Variants in CCL16 observed in about 807,000 individuals in gnomAD.
CCL16 encodes C-C motif chemokine 16.
Under a neutral mutation model 7.5 loss-of-function variants are expected in CCL16, and 6 were observed. The ratio of observed to expected loss-of-function variants is 0.80; its 90% CI spans 0.44 to 1.57. The LOEUF is 1.57. CCL16 is among the 40% of genes most tolerant of loss of function. The pLI, the probability that CCL16 is intolerant of heterozygous loss-of-function variation, is 0.01. For synonymous variants in CCL16, 60 were observed against 57.7 expected (o/e 1.04, Z -0.18); for missense variants, 134 against 142.9 (o/e 0.94, Z 0.32).
chr17:35,977,530 C>T lies in CCL16; in HGVS notation c.*36G>A. On this transcript the variant is annotated 3_prime_UTR_variant, in exon 3 of 3. Coordinates refer to ENST00000611905, the MANE Select transcript of CCL16 (RefSeq NM_004590.4). ...CCTGTTTTCATAGGTTTACCCCTCTCTTCTGTAAACAAGGGCTTCCACTAA... is the reference window on the plus strand; with the variant it reads ...CCTGTTTTCATAGGTTTACCCCTCTTTTCTGTAAACAAGGGCTTCCACTAA... 6.2e-7 allele frequency: 1 copy of T among 1,602,746 alleles called. No individual in the cohort carries two copies. The highest frequency in any genetic ancestry group is 8.5e-7 in the Non-Finnish European group (1 of 1,173,718).
At chr17:35,980,130 C>T (rs558570293) in intron 1 of CCL16, among the ~76,000 whole-genome samples, 49 of 152,256 alleles carry the variant, frequency 3.2e-4, no homozygotes, top group Non-Finnish European at 6.6e-4. Flanking sequence ...CCAGGGTCAT[C>T]CTGAGAGTAT....
At chr17:35,979,138 A>G (rs1271675375) in intron 1 of CCL16, among the ~76,000 whole-genome samples, 1 of 151,284 alleles carries the variant, frequency 6.6e-6, no homozygotes, top group East Asian at 1.9e-4. Flanking sequence ...AAGAAAAAAA[A>G]AAAAGGATTT....
At chr17:35,980,944 T>C (rs1332743346) in intron 1 of CCL16, among the ~76,000 whole-genome samples, 3 of 152,162 alleles carry the variant, frequency 2.0e-5, no homozygotes, top group Non-Finnish European at 2.9e-5. Context: ...CATGATTGTT[T>C]GAACCTTCCT....
intron 2 of CCL16, 90 bp downstream of exon 2, chr17:35,978,053 A>C (rs2089652640): frequency 2.6e-6 from 4 of 1,553,934 alleles, no homozygotes; most frequent in Non-Finnish European, 2.6e-6. Context: ...CACTGCTTCT[A>C]GCATGGAGAC....
chr17:35,980,567 A>C (rs2089673416), intron 1 of CCL16: 1 of 176,820 alleles, frequency 5.7e-6, no homozygotes, highest in African/African-American at 2.4e-5. Context: ...ACAAACAAAA[A>C]AACAAAAGCG....
At chr17:35,978,320 C>T in intron 1 of CCL16, 57 bp from the exon 2 acceptor site, 1 of 1,610,894 alleles carries the variant, frequency 6.2e-7, no homozygotes, top group Admixed American at 1.7e-5. Context: ...CCACAGCTGC[C>T]CACCTCTGTC....
At position 35,977,561 on chromosome 17, in the gene CCL16, G is replaced by A; in HGVS notation, c.*5C>T. 1 of 1,612,220 alleles carries A rather than the reference G, an allele frequency of 6.2e-7. No individual in the cohort carries two copies. Among genetic ancestry groups the A allele is most frequent in the Non-Finnish European group, 8.5e-7 (1 of 1,179,676 alleles). ...TAAACAAGGGCTTCCACTAAAGCCT[G>A]GTCATCACTGGGAGTTGAGGAGCTG... On this transcript the variant is annotated 3_prime_UTR_variant, in exon 3 of 3. Transcript: ENST00000611905.
chr17:35,977,879 C>T (rs565165679), intron 2 of CCL16, 148 bp from the exon 3 acceptor site: 3 of 919,630 alleles, frequency 3.3e-6, no homozygotes, highest in Non-Finnish European at 4.9e-6. Flanking sequence ...GACAGCCTCT[C>T]TCTCTGGCCT....
chr17:35,978,411 T>A, intron 1 of CCL16, 148 bp from the exon 2 acceptor site: 3 of 1,042,634 alleles, frequency 2.9e-6, no homozygotes, highest in Non-Finnish European at 4.3e-6. Flanking sequence ...GGTAATGAAG[T>A]GCATAAGATG....
Position 35,981,406 on chromosome 17 carries a change from C to G in CCL16, c.15G>C (p.Glu5Asp), listed in dbSNP as rs770704126. The G allele has an allele frequency of 6.2e-7, 1 of 1,611,996 alleles. No individual in the cohort carries two copies. Among genetic ancestry groups the G allele is most frequent in the African/African-American group, 1.3e-5 (1 of 74,886 alleles). Residue 5 changes from glutamate to aspartate, a missense_variant, in exon 1 of 3, where the codon GAG (glutamate) becomes GAC (aspartate). Physicochemically the swap from Glu to Asp is conservative, Grantham distance 45. Transcript: ENST00000611905. MKVS[E>D]AALSLLVLIL... The stretch of plus-strand genomic sequence containing the variant: ...TGAGGACAAGGAGAGACAGGGCAGC[C>G]TCGGAGACCTTCATCCTCTCAGCGA...
chr17:35,980,934 C>T (rs981666146), intron 1 of CCL16, among the ~76,000 whole-genome samples: 3 of 152,222 alleles, frequency 2.0e-5, no homozygotes, highest in Non-Finnish European at 4.4e-5. Context: ...CTTAGACCCA[C>T]ATGATTGTTT....
chr17:35,980,041 A>G (rs2089669171), intron 1 of CCL16, among the ~76,000 whole-genome samples: 1 of 152,158 alleles, frequency 6.6e-6, no homozygotes, highest in African/African-American at 2.4e-5. Context: ...TCTCCCAAAG[A>G]GCACTGTTCC....
chr17:35,977,595 C>G lies in CCL16; in HGVS notation c.334G>C (p.Gly112Arg). ...STVKIITAKN[G>R]QPQLLNSQ ...TGGGAGTTGAGGAGCTGGGGTTGAC[C>G]ATTCTTTGCTGTAATAATTTTAACC... Residue 112 changes from glycine to arginine, a missense_variant, in exon 3 of 3, where the codon GGT (glycine) becomes CGT (arginine). Coordinates refer to ENST00000611905, the MANE Select transcript of CCL16 (RefSeq NM_004590.4). The G allele has an allele frequency of 6.2e-7, 1 of 1,612,554 alleles. No homozygotes were observed. Among genetic ancestry groups the G allele is most frequent in the Non-Finnish European group, 8.5e-7 (1 of 1,179,926 alleles).
chr17:35,978,297 A>G (rs952896410), intron 1 of CCL16, 34 bp from the exon 2 acceptor site: 10 of 1,613,802 alleles, frequency 6.2e-6, no homozygotes, highest in Non-Finnish European at 8.5e-6. Flanking sequence ...GAGCCAGGGA[A>G]GCAGAGGGGA....
chr17:35,977,506 C>CA lies in CCL16; in HGVS notation c.*59_*60insT. 6.7e-7 allele frequency: 1 copy of CA among 1,495,994 alleles called. No individual in the cohort carries two copies. Among genetic ancestry groups the CA allele is most frequent in the South Asian group, 1.2e-5 (1 of 81,978 alleles). The allele number at this position is 1,495,994 out of a possible 1,614,324, so 92.7% of individuals were successfully genotyped here. A position where few individuals can be genotyped will look rare whatever the true frequency, so the allele number is the denominator to read the frequency against. ...TAGTTTCAGCCTAATAAGGCTTCCC[C>CA]TGTTTTCATAGGTTTACCCCTCTCT... On this transcript the variant is annotated 3_prime_UTR_variant, in exon 3 of 3. Transcript: ENST00000611905.
chr17:35,976,575 C>G lies in CCL16; in HGVS notation c.*991G>C, dbSNP rs1459501705. 1 of 151,904 alleles carries G rather than the reference C, an allele frequency of 6.6e-6. No homozygotes were observed. The highest frequency in any genetic ancestry group is 1.5e-5 in the Non-Finnish European group (1 of 68,006). The allele number at this position is 151,904 out of a possible 1,614,324, so 9.4% of individuals were successfully genotyped here. A position where few individuals can be genotyped will look rare whatever the true frequency, so the allele number is the denominator to read the frequency against. Reference sequence around the variant, plus strand: ...TTTACCCCTAGCCGTGTCTCATACCCTTTCTTTCCCTGTCCTGCAAAGCTT... The same window carrying G: ...TTTACCCCTAGCCGTGTCTCATACCGTTTCTTTCCCTGTCCTGCAAAGCTT... On this transcript the variant is annotated 3_prime_UTR_variant, in exon 3 of 3. Coordinates refer to ENST00000611905, the MANE Select transcript of CCL16 (RefSeq NM_004590.4).
chr17:35,978,199 T>C lies in CCL16; in HGVS notation c.141A>G (p.Pro47=). 1.2e-6 allele frequency: 2 copies of C among 1,614,208 alleles called. No homozygotes were observed. The highest frequency in any genetic ancestry group is 2.7e-5 in the African/African-American group (2 of 75,066). The change falls in exon 2 of 3, where the codon CCA becomes CCG. Residue 47 remains proline (P), a synonymous_variant. Transcript: ENST00000611905. The stretch of plus-strand genomic sequence containing the variant: ...TTCTGTATCCCACCACTAGTCTCCT[T>C]GGCAACACTTTCTCATAATACTTCA... ...CCLKYYEKVL[P]RRLVVGYRKA...
At position 35,976,557 on chromosome 17, in the gene CCL16, CT is replaced by C. The variant is rs545267156; in HGVS notation, c.*1008del. 4.6e-5 allele frequency: 7 copies of C among 152,178 alleles called. No homozygotes were observed. The South Asian group carries it at 1.0e-3, about 23-fold the overall frequency. The allele number at this position is 152,178 out of a possible 1,614,324, so 9.4% of individuals were successfully genotyped here. On this transcript the variant is annotated 3_prime_UTR_variant, in exon 3 of 3. Coordinates refer to ENST00000611905, the MANE Select transcript of CCL16 (RefSeq NM_004590.4). ...TGGGTTTTGGACTAAGAGTTTACCC[CT>C]AGCCGTGTCTCATACCCTTTCTTTC...
chr17:35,981,342 C>T lies in CCL16; in HGVS notation c.76+3G>A, dbSNP rs1176073090. On this transcript the variant is annotated splice_donor_region_variant and intron_variant, in intron 1 of 2. Coordinates refer to ENST00000611905, the MANE Select transcript of CCL16 (RefSeq NM_004590.4). ...CCTGCCCTACAGAGACAAGTGGACT[C>T]ACTTGGCTGGCTGCGAGAAGCCGAA... is the stretch of plus-strand genomic sequence containing the variant. 1 of 1,608,368 alleles carries T rather than the reference C, an allele frequency of 6.2e-7. No individual in the cohort carries two copies. Among genetic ancestry groups the T allele is most frequent in the Non-Finnish European group, 8.5e-7 (1 of 1,176,356 alleles).
Sources: allele counts gnomAD v4.1 joint callset (sites outside exome capture counted in the v4.1 genomes callset), GRCh38; gene constraint gnomAD v4.1.1; transcripts MANE v1.5; gene names NCBI Gene and HGNC (gene_info 2026-07-23, HGNC 2026-07-21).